The following NECAB1 variants were observed in gnomAD, a reference collection of about 807,000 sequenced individuals.
NECAB1 encodes the protein N-terminal EF-hand calcium-binding protein 1.
A neutral mutation model predicts 57.5 loss-of-function variants in NECAB1; 29 were observed. The ratio of observed to expected loss-of-function variants is 0.50; its 90% CI spans 0.38 to 0.69. The LOEUF (loss-of-function observed/expected upper bound fraction) is 0.69, where lower values mean the gene tolerates loss of function less well. Among genes scored for constraint, NECAB1 ranks in the 30% least tolerant of loss-of-function variants. The pLI is 0.00. For missense variants in NECAB1, 372 were observed against 413.8 expected (o/e 0.90, Z 0.88); for synonymous variants, 142 against 147.7 (o/e 0.96, Z 0.28).
intron 2 of NECAB1, among the ~76,000 whole-genome samples, chr8:90,808,164 T>C (rs1211790660): frequency 1.3e-5 from 2 of 152,164 alleles, no homozygotes; most frequent in South Asian, 2.1e-4. Flanking sequence ...TTCACTTTCC[T>C]GAGCCCTCAA....
Position 90,917,505 on chromosome 8 carries a change from C to A in NECAB1, c.371C>A (p.Ala124Asp). 2 of 1,609,194 alleles carry A rather than the reference C, an allele frequency of 1.2e-6. No individual in the cohort carries two copies. Among genetic ancestry groups the A allele is most frequent in the Non-Finnish European group, 1.7e-6 (2 of 1,176,984 alleles). The change falls in exon 6 of 13, where the codon GCC becomes GAC. Residue 124 changes from alanine to aspartate, a missense_variant. Coordinates refer to ENST00000417640, the MANE Select transcript of NECAB1 (RefSeq NM_022351.5). ...MGKTKKDYQE[A>D]SNLEQFVTRF... is the part of the protein sequence containing the mutation. ...TGTCACCCTTAGGACTACCAAGAAG[C>A]CTCCAATTTGGAACAATTCGTAACT...
Position 90,817,123 on chromosome 8 carries a change from G to C in NECAB1, c.125-7594G>C, listed in dbSNP as rs535213322. The stretch of plus-strand genomic sequence containing the variant: ...TTCCAATTGCTTATTGCTGAAATAA[G>C]TAAAGCAATTGACTTTTGTATATTA... On this transcript the variant is annotated intron_variant, in intron 2 of 12. Coordinates refer to ENST00000417640, the MANE Select transcript of NECAB1 (RefSeq NM_022351.5). 2.6e-4 allele frequency among the ~76,000 whole-genome samples: 39 copies of C among 151,828 alleles called. 1 individual carries two copies. In the South Asian group the frequency reaches 6.8e-3, roughly 27 times the overall value.
intron 1 of NECAB1, among the ~76,000 whole-genome samples, chr8:90,796,862 AGCT>A (rs1327369496): frequency 6.6e-6 from 1 of 152,206 alleles, no homozygotes; most frequent in Non-Finnish European, 1.5e-5. Flanking sequence ...TAATAACAAA[AGCT>A]GCTGTTTTTA....
chr8:90,954,910 G>A (rs1227037831), intron 12 of NECAB1, among the ~76,000 whole-genome samples: 1 of 147,024 alleles, frequency 6.8e-6, no homozygotes, highest in Non-Finnish European at 1.5e-5. Context: ...ATATATGTAT[G>A]TGTATACAAA....
At chr8:90,845,408 T>G (rs1812536426) in intron 3 of NECAB1, among the ~76,000 whole-genome samples, 2 of 152,180 alleles carry the variant, frequency 1.3e-5, no homozygotes, top group Admixed American at 6.5e-5. Context: ...TTAAAATACC[T>G]AGCATGCATA....
At chr8:90,927,700 G>A (rs1055868347) in intron 7 of NECAB1, among the ~76,000 whole-genome samples, 1 of 150,838 alleles carries the variant, frequency 6.6e-6, no homozygotes. Context: ...TAGATCAACA[G>A]GCTCCAGTCT....
intron 3 of NECAB1, among the ~76,000 whole-genome samples, chr8:90,861,717 T>G (rs1808387248): frequency 6.6e-6 from 1 of 152,134 alleles, no homozygotes; most frequent in African/African-American, 2.4e-5. Flanking sequence ...CAAACAATGT[T>G]GTGAAAAAAA....
intron 3 of NECAB1, among the ~76,000 whole-genome samples, chr8:90,857,294 T>A (rs1268321713): frequency 6.6e-6 from 1 of 152,176 alleles, no homozygotes; most frequent in Non-Finnish European, 1.5e-5. Flanking sequence ...ATTTGGCACA[T>A]GGATGCAAAG....
At chr8:90,793,230 T>A (rs1219310487) in intron 1 of NECAB1, among the ~76,000 whole-genome samples, 3 of 152,208 alleles carry the variant, frequency 2.0e-5, no homozygotes, top group Non-Finnish European at 4.4e-5. Context: ...TTGGCTAGAA[T>A]TCTTTTTAAT....
intron 1 of NECAB1, among the ~76,000 whole-genome samples, chr8:90,792,942 G>A (rs762060017): frequency 2.0e-5 from 3 of 152,100 alleles, no homozygotes; most frequent in African/African-American, 4.8e-5. Context: ...GCCGGAGGTC[G>A]TGTCTATCTC....
At chr8:90,873,019 T>C in intron 4 of NECAB1, among the ~76,000 whole-genome samples, 1 of 152,168 alleles carries the variant, frequency 6.6e-6, no homozygotes, top group East Asian at 1.9e-4. Context: ...TTTCTTATAT[T>C]CAAGAGTGGT....
At chr8:90,860,432 A>G (rs1306145961) in intron 3 of NECAB1, among the ~76,000 whole-genome samples, 1 of 152,084 alleles carries the variant, frequency 6.6e-6, no homozygotes, top group Non-Finnish European at 1.5e-5. Context: ...TCAAGAACTT[A>G]CTAAACTAGT....
At chr8:90,800,966 C>T (rs779567674) in intron 1 of NECAB1, among the ~76,000 whole-genome samples, 9 of 151,998 alleles carry the variant, frequency 5.9e-5, no homozygotes, top group Non-Finnish European at 1.3e-4. Flanking sequence ...CCAAATAGTT[C>T]TTATACATCA....
intron 2 of NECAB1, among the ~76,000 whole-genome samples, chr8:90,815,310 A>G (rs556888662): frequency 6.6e-6 from 1 of 152,174 alleles, no homozygotes; most frequent in Non-Finnish European, 1.5e-5. Context: ...CAATCCCTCC[A>G]GTGAGATTGT....
chr8:90,889,468 A>G (rs1346611064), intron 5 of NECAB1, among the ~76,000 whole-genome samples: 2 of 152,204 alleles, frequency 1.3e-5, no homozygotes, highest in Admixed American at 6.5e-5. Flanking sequence ...GACAGAAAAT[A>G]TATTGAAGGA....
intron 3 of NECAB1, among the ~76,000 whole-genome samples, chr8:90,843,654 T>C (rs916319228): frequency 6.6e-6 from 1 of 152,238 alleles, no homozygotes; most frequent in Admixed American, 6.5e-5. Context: ...ACTCTGAGAT[T>C]TGCTTCATTT....
intron 4 of NECAB1, among the ~76,000 whole-genome samples, chr8:90,879,131 A>T (rs1461108851): frequency 1.4e-5 from 2 of 141,702 alleles, no homozygotes; most frequent in Non-Finnish European, 3.0e-5. Flanking sequence ...TCTATATATA[A>T]TATATATATA....
chr8:90,865,362 TATAG>T (rs1434241789), intron 3 of NECAB1, among the ~76,000 whole-genome samples: 2 of 152,142 alleles, frequency 1.3e-5, no homozygotes, highest in Non-Finnish European at 2.9e-5. Context: ...ACTGGACTCC[TATAG>T]ACTCCTGATA....
At chr8:90,833,504 T>A (rs1251502174) in intron 3 of NECAB1, among the ~76,000 whole-genome samples, 2 of 152,148 alleles carry the variant, frequency 1.3e-5, no homozygotes, top group Non-Finnish European at 2.9e-5. Context: ...TTGCTACATC[T>A]AGCATACATG....
Sources: allele counts gnomAD v4.1 joint callset (sites outside exome capture counted in the v4.1 genomes callset), GRCh38; gene constraint gnomAD v4.1.1; transcripts MANE v1.5; gene names NCBI Gene and HGNC (gene_info 2026-07-23, HGNC 2026-07-21).